The following HEATR5B variants were observed in gnomAD, a reference collection of about 807,000 sequenced individuals.
The protein encoded by HEATR5B is HEAT repeat-containing protein 5B.
HEATR5B carries 156 observed loss-of-function variants against 224.1 expected under a neutral mutation model. The observed-to-expected ratio is 0.70, with a 90% CI of 0.61 to 0.80. The LOEUF is 0.80. HEATR5B is among the 30% of genes least tolerant of loss of function. The probability of loss-of-function intolerance (pLI) is 0.00; values close to 1 mark genes in which losing one functional copy is unlikely to be tolerated. For missense variants in HEATR5B, 2,323 were observed against 2,535.5 expected (o/e 0.92, Z 1.80); for synonymous variants, 1,027 against 893.0 (o/e 1.15, Z -2.68).
rs144659529 is a variant in HEATR5B at position 37,013,057 on chromosome 2, T to G, written c.4284+784A>C. On this transcript the variant is annotated intron_variant, in intron 27 of 35. Transcript: ENST00000233099. Reference sequence around the variant, plus strand: ...ACAGAGCTGAAGCTAAACAACACTTTGTTGAATGAATCAGAGGGTGGGAAG... The same window carrying G: ...ACAGAGCTGAAGCTAAACAACACTTGGTTGAATGAATCAGAGGGTGGGAAG... 3.8e-4 allele frequency among the ~76,000 whole-genome samples: 58 copies of G among 152,362 alleles called. No homozygotes were observed. The East Asian group carries it at 9.6e-3, about 25-fold the overall frequency.
intron 33 of HEATR5B, among the ~76,000 whole-genome samples, chr2:36,997,902 TTTTC>T (rs1179435536): frequency 6.6e-6 from 1 of 152,262 alleles, no homozygotes; most frequent in Non-Finnish European, 1.5e-5. Context: ...TTCACCTATA[TTTTC>T]TTTGTTTTCC....
chr2:37,014,679 TAA>T (rs1191901744), intron 26 of HEATR5B, among the ~76,000 whole-genome samples: 23 of 138,304 alleles, frequency 1.7e-4, no homozygotes, highest in Admixed American at 2.8e-4. Flanking sequence ...AAGGGGACTT[TAA>T]AAAAAAAAAA....
chr2:37,080,400 G>A (rs1471159156), intron 2 of HEATR5B, among the ~76,000 whole-genome samples: 1 of 152,168 alleles, frequency 6.6e-6, no homozygotes, highest in African/African-American at 2.4e-5. Context: ...GGAAGCAGAT[G>A]CAATAATCCA....
At chr2:37,012,145 G>A (rs961472015) in intron 27 of HEATR5B, among the ~76,000 whole-genome samples, 1 of 152,088 alleles carries the variant, frequency 6.6e-6, no homozygotes, top group African/African-American at 2.4e-5. Flanking sequence ...ATACAATGCT[G>A]TTACCAGTCT....
intron 18 of HEATR5B, among the ~76,000 whole-genome samples, chr2:37,043,684 T>A (rs1050523588): frequency 2.6e-5 from 4 of 152,220 alleles, no homozygotes; most frequent in Non-Finnish European, 1.5e-5. Flanking sequence ...TTGACATGGT[T>A]AAATTCCCAG....
chr2:37,018,589 A>G (rs1206224441), intron 26 of HEATR5B, among the ~76,000 whole-genome samples: 1 of 152,220 alleles, frequency 6.6e-6, no homozygotes, highest in Non-Finnish European at 1.5e-5. Flanking sequence ...GCAAACTTGC[A>G]TTCAGCTACA....
At chr2:37,050,790 C>A (rs1207448639) in intron 17 of HEATR5B, among the ~76,000 whole-genome samples, 2 of 152,136 alleles carry the variant, frequency 1.3e-5, no homozygotes, top group Non-Finnish European at 2.9e-5. Context: ...CCTGTAATCC[C>A]CGACTTTGGG....
intron 22 of HEATR5B, 90 bp downstream of exon 22, chr2:37,032,539 C>T: frequency 9.2e-7 from 1 of 1,088,904 alleles, no homozygotes; most frequent in Admixed American, 2.3e-5. Context: ...GGCCACATTG[C>T]AACAGAAAAA....
intron 35 of HEATR5B, among the ~76,000 whole-genome samples, chr2:36,985,255 G>A (rs1032954461): frequency 3.3e-5 from 5 of 152,058 alleles, no homozygotes; most frequent in Non-Finnish European, 7.4e-5. Flanking sequence ...TCCTCCTAAT[G>A]AGTGTCATCT....
intron 9 of HEATR5B, 41 bp downstream of exon 9, chr2:37,065,714 A>G: frequency 1.3e-6 from 2 of 1,563,768 alleles, no homozygotes; most frequent in South Asian, 1.1e-5. Context: ...TATGACTGAA[A>G]AAAGTGGAAA....
intron 5 of HEATR5B, among the ~76,000 whole-genome samples, chr2:37,074,449 T>C (rs1222297846): frequency 1.3e-5 from 2 of 151,178 alleles, no homozygotes; most frequent in Non-Finnish European, 2.9e-5. Context: ...CATATCTAAG[T>C]ATAAAACTAT....
At position 37,020,270 on chromosome 2, in the gene HEATR5B, C is replaced by T. The variant is rs113028597; in HGVS notation, c.4035+385G>A. ...TCCTTCATTATACAAGGGGCAACTG[C>T]TATCTATTTCTAAAAATGCTTATGA... On this transcript the variant is annotated intron_variant, in intron 25 of 35. Coordinates refer to ENST00000233099, the MANE Select transcript of HEATR5B (RefSeq NM_019024.3). Among the ~76,000 whole-genome samples the T allele has an allele frequency of 2.6e-5, 4 of 152,258 alleles. 1 individual carries two copies. The highest frequency in any genetic ancestry group is 9.6e-5 in the African/African-American group (4 of 41,554).
chr2:37,023,692 C>T (rs1457211655), intron 24 of HEATR5B, among the ~76,000 whole-genome samples: 2 of 152,148 alleles, frequency 1.3e-5, no homozygotes, highest in South Asian at 2.1e-4. Flanking sequence ...TCGCTAAGAT[C>T]GCTTGAACCC....
chr2:37,032,178 G>C (rs1440552156), intron 22 of HEATR5B, among the ~76,000 whole-genome samples: 1 of 151,968 alleles, frequency 6.6e-6, no homozygotes, highest in Non-Finnish European at 1.5e-5. Flanking sequence ...GAAATATTCT[G>C]ATACTAAATA....
At chr2:37,063,237 C>G (rs1671390283) in intron 10 of HEATR5B, among the ~76,000 whole-genome samples, 1 of 152,106 alleles carries the variant, frequency 6.6e-6, no homozygotes, top group South Asian at 2.1e-4. Flanking sequence ...TATTAACATC[C>G]ACACAGAATG....
intron 29 of HEATR5B, among the ~76,000 whole-genome samples, chr2:37,005,996 C>T (rs937930571): frequency 6.6e-6 from 1 of 152,082 alleles, no homozygotes; most frequent in African/African-American, 2.4e-5. Context: ...AATTCCCATG[C>T]CATCAGGTTG....
intron 18 of HEATR5B, among the ~76,000 whole-genome samples, chr2:37,044,838 G>A (rs1670091225): frequency 6.6e-6 from 1 of 152,074 alleles, no homozygotes; most frequent in African/African-American, 2.4e-5. Flanking sequence ...TTTAATTCCA[G>A]TCCTTTTTCT....
intron 21 of HEATR5B, among the ~76,000 whole-genome samples, chr2:37,035,225 C>T (rs1020953037): frequency 2.0e-5 from 3 of 152,208 alleles, no homozygotes; most frequent in African/African-American, 7.2e-5. Flanking sequence ...TGCAGTTATT[C>T]TCAGGTGTAC....
At chr2:36,986,741 C>T (rs572696641) in intron 35 of HEATR5B, among the ~76,000 whole-genome samples, 3 of 152,168 alleles carry the variant, frequency 2.0e-5, no homozygotes, top group South Asian at 2.1e-4. Flanking sequence ...TCCAGTCTCC[C>T]GAGTAGCTGG....
Sources: gnomAD v4.1 joint callset for allele counts (sites outside exome capture counted in the v4.1 genomes callset) on GRCh38, gnomAD v4.1.1 for gene constraint, MANE v1.5 for transcripts, NCBI Gene and HGNC (gene_info 2026-07-23, HGNC 2026-07-21) for gene names.